Variants in SCN1A observed in about 807,000 individuals in gnomAD.
SCN1A encodes sodium channel protein type 1 subunit alpha.
A neutral mutation model predicts 193.7 loss-of-function variants in SCN1A; 13 were observed. The ratio of observed to expected loss-of-function variants is 0.07; its 90% confidence interval spans 0.04 to 0.11. SCN1A has a LOEUF of 0.11. SCN1A is among the 10% of genes least tolerant of loss of function. The pLI is 1.00. For synonymous variants in SCN1A, 781 were observed against 843.6 expected (o/e 0.93, Z 1.29); for missense variants, 1,432 against 2,451.1 (o/e 0.58, Z 8.78).
chr2:166,087,204 C>T (rs950792063), intron 2 of SCN1A, among the ~76,000 whole-genome samples: 32 of 150,084 alleles, frequency 2.1e-4, no homozygotes, highest in South Asian at 2.1e-4. Context: ...CGGTGGCTCA[C>T]ACCTGTAATC....
chr2:166,132,584 A>G (rs1204912528), upstream of SCN1A, among the ~76,000 whole-genome samples: 1 of 152,186 alleles, frequency 6.6e-6, no homozygotes, highest in Non-Finnish European at 1.5e-5. Context: ...TTTATTTGCT[A>G]TTAGACAAAT....
intron 19 of SCN1A, among the ~76,000 whole-genome samples, chr2:166,030,519 CT>C (rs1310762332): frequency 6.6e-6 from 1 of 151,764 alleles, no homozygotes; most frequent in Non-Finnish European, 1.5e-5. Flanking sequence ...AAAGGTACAA[CT>C]TTAATAACTC....
chr2:166,122,603 G>A (rs1364175602), intron 2 of SCN1A, among the ~76,000 whole-genome samples: 5 of 152,124 alleles, frequency 3.3e-5, no homozygotes, highest in Non-Finnish European at 7.3e-5. Context: ...GGACAACAAT[G>A]TTAATAAGAC....
chr2:166,068,565 T>C (rs1036402136), intron 4 of SCN1A, among the ~76,000 whole-genome samples: 1 of 152,220 alleles, frequency 6.6e-6, no homozygotes, highest in Non-Finnish European at 1.5e-5. Context: ...TCCTCTTTTC[T>C]GATTTCCCGT....
At chr2:166,097,872 C>T (rs1574481649) in intron 2 of SCN1A, among the ~76,000 whole-genome samples, 1 of 152,322 alleles carries the variant, frequency 6.6e-6, no homozygotes, top group East Asian at 1.9e-4. Context: ...TGAGCTATCA[C>T]ACCTAGCCTC....
chr2:166,014,067 G>A (rs964961477), intron 20 of SCN1A, among the ~76,000 whole-genome samples, 169 bp from the exon 21 acceptor site: 2 of 151,684 alleles, frequency 1.3e-5, no homozygotes, highest in African/African-American at 4.8e-5. Context: ...TGAAGTTGTG[G>A]AAACATTCAG....
chr2:166,064,626 T>A (rs868225139), intron 4 of SCN1A, among the ~76,000 whole-genome samples: 4 of 152,156 alleles, frequency 2.6e-5, no homozygotes, highest in African/African-American at 9.6e-5. Context: ...AGGATGGACA[T>A]TGAATTTAAC....
Position 166,143,167 on chromosome 2 carries a change from A to ATTTTT in SCN1A, c.-50+5875_-50+5879dup, listed in dbSNP as rs66499233. On this transcript the variant is annotated intron_variant, in intron 1 of 26. Transcript: ENST00000635750. The stretch of plus-strand genomic sequence containing the variant: ...AAGATTTATTTTTTCAGAACTCAGC[A>ATTTTT]TTTTTTTTTTTTTTTTTGAGATGGA... Among the ~76,000 whole-genome samples the ATTTTT allele has an allele frequency of 1.3e-4, 16 of 126,178 alleles. 2 individuals carry two copies. Among genetic ancestry groups the ATTTTT allele is most frequent in the East Asian group, 4.5e-4 (2 of 4,430 alleles). The allele number at this position is 126,178 out of a possible 152,430, so 82.8% of individuals were successfully genotyped here.
At chr2:166,039,910 CTTTTTTTTTTTTTTTTTTTTT>C (rs10523688) in intron 16 of SCN1A, among the ~76,000 whole-genome samples, 1 of 110,876 alleles carries the variant, frequency 9.0e-6, no homozygotes. Flanking sequence ...TACAAGTCAT[CTTTTTTTTTTTTTTTTTTTTT>C]TTTTTTTTTT....
intron 18 of SCN1A, 87 bp from the exon 19 acceptor site, chr2:166,036,617 G>GA: frequency 1.5e-6 from 2 of 1,378,068 alleles, no homozygotes; most frequent in Non-Finnish European, 2.0e-6. Context: ...TTTAAGTGTG[G>GA]AAAAAACTCT....
intron 25 of SCN1A, among the ~76,000 whole-genome samples, chr2:165,998,515 A>G (rs191831729): frequency 7.3e-5 from 11 of 151,430 alleles, no homozygotes; most frequent in Admixed American, 4.0e-4. Flanking sequence ...AAAACTGTAA[A>G]TATCTACAGG....
intron 2 of SCN1A, among the ~76,000 whole-genome samples, chr2:166,119,521 A>C (rs1690293892): frequency 6.6e-6 from 1 of 152,184 alleles, no homozygotes; most frequent in African/African-American, 2.4e-5. Context: ...GTTTTGCTAA[A>C]AACAACTCAT....
intron 24 of SCN1A, among the ~76,000 whole-genome samples, chr2:166,001,354 T>G (rs1398514353): frequency 6.6e-6 from 1 of 151,720 alleles, no homozygotes; most frequent in East Asian, 1.9e-4. Context: ...AGATCAAAAA[T>G]GTTAAGAAGA....
rs754371542 is a variant in SCN1A at position 165,999,707 on chromosome 2, T to C, written c.4338+16A>G. On this transcript the variant is annotated intron_variant, in intron 25 of 28. Coordinates refer to ENST00000674923, the MANE Select transcript of SCN1A (RefSeq NM_001165963.4). ...ATCAATATTGTAAAAAGACTTAGAA[T>C]ACAAGGAATACTTACATTTCTGGAA... The C allele has an allele frequency of 4.5e-6, 7 of 1,565,804 alleles. No homozygotes were observed. The highest frequency in any genetic ancestry group is 1.1e-5 in the South Asian group (1 of 90,044).
chr2:166,008,767 G>A (rs1691999080), intron 23 of SCN1A, among the ~76,000 whole-genome samples: 2 of 150,870 alleles, frequency 1.3e-5, no homozygotes, highest in Admixed American at 1.3e-4. Context: ...TTCCATAAAA[G>A]TAACTACACC....
chr2:166,010,103 A>G (rs1692229278), intron 22 of SCN1A, among the ~76,000 whole-genome samples: 1 of 151,104 alleles, frequency 6.6e-6, no homozygotes, highest in African/African-American at 2.4e-5. Context: ...AGAAAAAAAA[A>G]GCAAAGTAAA....
At chr2:166,058,963 G>C (rs1193566456) in intron 4 of SCN1A, among the ~76,000 whole-genome samples, 1 of 152,054 alleles carries the variant, frequency 6.6e-6, no homozygotes, top group Non-Finnish European at 1.5e-5. Context: ...TTATTTTCTC[G>C]ATATTTTAAG....
At chr2:166,044,128 T>C in intron 13 of SCN1A, 79 bp from the exon 14 acceptor site, 1 of 1,487,580 alleles carries the variant, frequency 6.7e-7, no homozygotes, top group Non-Finnish European at 9.2e-7. Context: ...CAAGATTATG[T>C]AGAAGGAGAT....
At chr2:166,077,533 T>A (rs1559292675) in intron 3 of SCN1A, among the ~76,000 whole-genome samples, 177 bp downstream of exon 3, 1 of 151,882 alleles carries the variant, frequency 6.6e-6, no homozygotes, top group Non-Finnish European at 1.5e-5. Context: ...TACACCCTCA[T>A]TAGAATGGTC....
Sources: allele counts gnomAD v4.1 joint callset (sites outside exome capture counted in the v4.1 genomes callset), GRCh38; gene constraint gnomAD v4.1.1; transcripts MANE v1.5; gene names NCBI Gene and HGNC (gene_info 2026-07-23, HGNC 2026-07-21).